Variants in HSPA12A observed in about 807,000 individuals in gnomAD.
HSPA12A encodes heat shock protein family A (Hsp70) member 12A.
In HSPA12A, 28 loss-of-function variants were observed where a neutral mutation model predicts 69.2. The ratio of observed to expected loss-of-function variants is 0.40; its 90% CI spans 0.30 to 0.55. HSPA12A has a LOEUF of 0.55. Ranked by LOEUF, HSPA12A falls within the 20% of genes least tolerant of loss-of-function variation. The pLI, the probability that HSPA12A is intolerant of heterozygous loss-of-function variation, is 0.38. For missense variants in HSPA12A, 686 were observed against 900.7 expected (o/e 0.76, Z 3.05); for synonymous variants, 345 against 370.5 (o/e 0.93, Z 0.79).
In HSPA12A at chr10:116,674,821, G is replaced by A. The variant is rs1217645688; in HGVS notation, c.1988C>T (p.Ser663Leu). 25 of 1,612,088 alleles carry A rather than the reference G, an allele frequency of 1.6e-5. No individual in the cohort carries two copies. The highest frequency in any genetic ancestry group is 2.7e-5 in the African/African-American group (2 of 74,868). The change falls in exon 12 of 12, where the codon TCG (serine) becomes TTG (leucine). Residue 663 changes from serine (S) to leucine (L), a missense_variant. Coordinates refer to ENST00000369209, the MANE Select transcript of HSPA12A (RefSeq NM_025015.3). Reference protein sequence around the residue: ...IKATAIDIATSKSVKVGIDFL... With the variant: ...IKATAIDIATLKSVKVGIDFL... ...GTCGATCCCAACTTTGACACTCTTC[G>A]AAGTGGCTATATCAATGGCTGTGGC...
intron 2 of HSPA12A, among the ~76,000 whole-genome samples, chr10:116,802,922 T>C: frequency 6.6e-6 from 1 of 152,250 alleles, no homozygotes; most frequent in Non-Finnish European, 1.5e-5. Flanking sequence ...CCTTTGTATG[T>C]CTCTGACAGG....
chr10:116,817,208 C>A (rs1414704764), intron 2 of HSPA12A, among the ~76,000 whole-genome samples: 1 of 151,910 alleles, frequency 6.6e-6, no homozygotes, highest in African/African-American at 2.4e-5. Context: ...AGAACAGAAA[C>A]TTCTACCGCC....
At chr10:116,841,944 G>A (rs1845808850) in intron 1 of HSPA12A, among the ~76,000 whole-genome samples, 1 of 151,876 alleles carries the variant, frequency 6.6e-6, no homozygotes, top group South Asian at 2.1e-4. Context: ...GTAAAGTCAA[G>A]GCCTAAGTTG....
intron 1 of HSPA12A, among the ~76,000 whole-genome samples, chr10:116,714,152 T>C (rs1052267287): frequency 6.6e-6 from 1 of 151,894 alleles, no homozygotes; most frequent in African/African-American, 2.4e-5. Flanking sequence ...AGTGGATGGA[T>C]GGATGAATGG....
At position 116,686,946 on chromosome 10, in the gene HSPA12A, C is replaced by T. The variant is rs782597756; in HGVS notation, c.664-2984G>A. 2.0e-5 allele frequency among the ~76,000 whole-genome samples: 3 copies of T among 152,252 alleles called. No homozygotes were observed. The highest frequency in any genetic ancestry group is 4.4e-5 in the Non-Finnish European group (3 of 68,034). ...CTCTACCCACACTACCCCTGAAATTCTGAGCAGGAACTCTGACTTAGATGG... is the reference window on the plus strand; with the variant it reads ...CTCTACCCACACTACCCCTGAAATTTTGAGCAGGAACTCTGACTTAGATGG... On this transcript the variant is annotated intron_variant, in intron 6 of 11. Coordinates refer to ENST00000369209, the MANE Select transcript of HSPA12A (RefSeq NM_025015.3). This position sits in a 1 kb window ranked among gnomAD's most constrained non-coding sequence, Gnocchi z 4.1.
chr10:116,807,054 G>A (rs191934239), intron 2 of HSPA12A, among the ~76,000 whole-genome samples: 9 of 152,326 alleles, frequency 5.9e-5, no homozygotes, highest in Admixed American at 5.9e-4. Flanking sequence ...GCCAAGGAAT[G>A]CCTGGAGCAT....
chr10:116,674,241 C>G lies in HSPA12A; in HGVS notation c.*540G>C, dbSNP rs1490884768. Reference sequence around the variant, plus strand: ...AGTGTAGGCAGCCTTCTACCACCAGCTAAAAACATTCCCAGTTCCCACTGA... The same window carrying G: ...AGTGTAGGCAGCCTTCTACCACCAGGTAAAAACATTCCCAGTTCCCACTGA... On this transcript the variant is annotated 3_prime_UTR_variant, in exon 12 of 12. Coordinates refer to ENST00000369209, the MANE Select transcript of HSPA12A (RefSeq NM_025015.3). 1 of 158,632 alleles carries G rather than the reference C, an allele frequency of 6.3e-6. No individual in the cohort carries two copies. Among genetic ancestry groups the G allele is most frequent in the African/African-American group, 2.4e-5 (1 of 41,464 alleles). The allele number at this position is 158,632 out of a possible 1,614,324, so 9.8% of individuals were successfully genotyped here.
upstream of HSPA12A, chr10:116,849,831 C>A: frequency 7.5e-7 from 1 of 1,336,166 alleles, no homozygotes; most frequent in Non-Finnish European, 1.0e-6. Flanking sequence ...CAGAATCTCG[C>A]ATGCCAGCCG....
chr10:116,755,958 G>T (rs1423286456), intron 2 of HSPA12A, among the ~76,000 whole-genome samples: 1 of 152,062 alleles, frequency 6.6e-6, no homozygotes, highest in African/African-American at 2.4e-5. Flanking sequence ...TTGCACTGCA[G>T]CCTGGGCAAC....
At chr10:116,768,484 G>A (rs77121472) in intron 2 of HSPA12A, among the ~76,000 whole-genome samples, 2,584 of 152,184 alleles carry the variant, frequency 0.017, 65 homozygotes, top group East Asian at 0.095. Flanking sequence ...ACTTTAAAAT[G>A]GTAAATTTTA....
chr10:116,793,390 AC>A (rs1564821598), intron 2 of HSPA12A, among the ~76,000 whole-genome samples: 2 of 152,116 alleles, frequency 1.3e-5, no homozygotes, highest in Non-Finnish European at 1.5e-5. Flanking sequence ...AGGCAACATG[AC>A]AAAACCCTGT....
intron 2 of HSPA12A, among the ~76,000 whole-genome samples, chr10:116,761,845 G>T (rs1554889305): frequency 6.6e-6 from 1 of 152,090 alleles, no homozygotes; most frequent in Non-Finnish European, 1.5e-5. Context: ...AGGTAGGGGA[G>T]GGAGAAGCAG....
intron 6 of HSPA12A, among the ~76,000 whole-genome samples, chr10:116,685,162 A>C (rs1279414225): frequency 6.6e-6 from 1 of 152,124 alleles, no homozygotes; most frequent in Non-Finnish European, 1.5e-5. Flanking sequence ...GAAGGCCTCA[A>C]GTTCTGTATC....
intron 1 of HSPA12A, among the ~76,000 whole-genome samples, chr10:116,730,431 G>T (rs1238774591): frequency 2.0e-5 from 3 of 152,188 alleles, no homozygotes; most frequent in African/African-American, 7.2e-5. Context: ...ACTCTACCAA[G>T]TGCCCATCCA....
intron 2 of HSPA12A, among the ~76,000 whole-genome samples, chr10:116,791,878 AG>A (rs1386835584): frequency 6.6e-6 from 1 of 152,024 alleles, no homozygotes; most frequent in Non-Finnish European, 1.5e-5. Flanking sequence ...GGTGTTCTCA[AG>A]CATCTACTAT....
intron 2 of HSPA12A, among the ~76,000 whole-genome samples, chr10:116,810,506 G>A (rs1289764646): frequency 1.3e-5 from 2 of 152,130 alleles, no homozygotes; most frequent in African/African-American, 4.8e-5. Context: ...TATATATACA[G>A]TTCGTATAAG....
At position 116,723,611 on chromosome 10, in the gene HSPA12A, G is replaced by A. The variant is rs748324859; in HGVS notation, c.41-16326C>T. 2.0e-5 allele frequency among the ~76,000 whole-genome samples: 3 copies of A among 152,196 alleles called. No individual in the cohort carries two copies. Among genetic ancestry groups the A allele is most frequent in the East Asian group, 1.9e-4 (1 of 5,184 alleles). On this transcript the variant is annotated intron_variant, in intron 1 of 11. Coordinates refer to ENST00000369209, the MANE Select transcript of HSPA12A (RefSeq NM_025015.3). This position sits in a 1 kb window ranked among gnomAD's most constrained non-coding sequence, Gnocchi z 4.1. ...TGACCCATAAGGAAACTCCAGCACC[G>A]AGCTGGGTGAGGTTAGGTGCTCAGG...
At chr10:116,677,147 C>T (rs1849264002) in intron 10 of HSPA12A, among the ~76,000 whole-genome samples, 1 of 152,188 alleles carries the variant, frequency 6.6e-6, no homozygotes, top group African/African-American at 2.4e-5. Flanking sequence ...GGGATAACTG[C>T]GCTTGCCTTA....
intron 1 of HSPA12A, among the ~76,000 whole-genome samples, chr10:116,732,361 G>GAAGGAAGGAAGGAAGGAAAGAAAGAAA (rs1554885934): frequency 1.0e-5 from 1 of 100,018 alleles, no homozygotes; most frequent in Non-Finnish European, 2.3e-5. Context: ...AGAGACAGAG[G>GAAGGAAGGAAGGAAGGAAAGAAAGAAA]GAAAGAAAAC....
Sources: gnomAD v4.1 joint callset for allele counts (sites outside exome capture counted in the v4.1 genomes callset) on GRCh38, gnomAD v4.1.1 for gene constraint, Gnocchi (gnomAD v3.1) non-coding constraint, MANE v1.5 for transcripts, NCBI Gene and HGNC (gene_info 2026-07-23, HGNC 2026-07-21) for gene names.